Variants in PCGF6 observed in about 807,000 individuals in gnomAD.
PCGF6 encodes polycomb group RING finger protein 6.
Under a neutral mutation model 45.5 loss-of-function variants are expected in PCGF6, and 24 were observed. The observed-to-expected ratio is 0.53, with a 90% CI of 0.38 to 0.74. The LOEUF (loss-of-function observed/expected upper bound fraction) is 0.74, where lower values mean the gene tolerates loss of function less well. Ranked by LOEUF, PCGF6 falls within the 30% of genes least tolerant of loss-of-function variation. PCGF6 has a pLI of 0.00. For synonymous variants in PCGF6, 152 were observed against 162.1 expected, an observed-to-expected ratio of 0.94 and a Z score of 0.47; for missense variants, 356 against 443.2, an observed-to-expected ratio of 0.80 and a Z score of 1.77.
intron 7 of PCGF6, among the ~76,000 whole-genome samples, chr10:103,328,790 C>T (rs2093228598): frequency 6.6e-6 from 1 of 152,126 alleles, no homozygotes; most frequent in Non-Finnish European, 1.5e-5. Context: ...CTTGCTCTGT[C>T]ACCCAGGCTG....
At chr10:103,345,229 T>C (rs1233312498) in intron 5 of PCGF6, 97 bp from the exon 6 acceptor site, 1 of 862,050 alleles carries the variant, frequency 1.2e-6, no homozygotes, top group Non-Finnish European at 1.8e-6. Context: ...ATGTTGAGTA[T>C]TTAAAAGATC....
intron 9 of PCGF6, among the ~76,000 whole-genome samples, chr10:103,311,813 G>A (rs1373776491): frequency 7.9e-5 from 12 of 152,004 alleles, no homozygotes; most frequent in African/African-American, 2.7e-4. Context: ...TGTCAGCCAC[G>A]TGTGGTGGCT....
rs767300911 is a variant in PCGF6 at position 103,314,208 on chromosome 10, G to A, written c.974C>T (p.Ala325Val). 1 of 1,604,678 alleles carries A rather than the reference G, an allele frequency of 6.2e-7. No individual in the cohort carries two copies. The highest frequency in any genetic ancestry group is 8.5e-7 in the Non-Finnish European group (1 of 1,173,104). Reference sequence around the variant, plus strand: ...TACCTGCATTGCTGCATCACCTATTGCACGTCGGATTTCCCTTAGAGTTTG... The same window carrying A: ...TACCTGCATTGCTGCATCACCTATTACACGTCGGATTTCCCTTAGAGTTTG... ...QYQTLREIRR[A>V]IGDAAMQDGL... is the part of the protein sequence containing the mutation. Residue 325 changes from alanine (A) to valine (V), a missense_variant, in exon 9 of 10, where the codon GCA (alanine) becomes GTA (valine). By Grantham distance (64) the Ala-to-Val change is moderately conservative (BLOSUM62 0). Around this residue, in one of 2 missense-constraint regions of PCGF6, gnomAD observed 49 missense variants for 93.0 expected, o/e 0.53. Transcript: ENST00000369847.
intron 7 of PCGF6, among the ~76,000 whole-genome samples, chr10:103,329,233 T>C (rs2093230873): frequency 6.7e-6 from 1 of 149,694 alleles, no homozygotes; most frequent in African/African-American, 2.5e-5. Context: ...AGAGATGGGG[T>C]TTCATCATAT....
At chr10:103,340,840 C>T (rs567126348) in intron 6 of PCGF6, among the ~76,000 whole-genome samples, 6 of 152,250 alleles carry the variant, frequency 3.9e-5, no homozygotes, top group South Asian at 4.1e-4. Context: ...TGGACTCCAG[C>T]GGTTCTCCTA....
intron 7 of PCGF6, among the ~76,000 whole-genome samples, chr10:103,329,652 T>C (rs1325962171): frequency 6.6e-6 from 1 of 151,686 alleles, no homozygotes; most frequent in Non-Finnish European, 1.5e-5. Context: ...TTTGTTTTTT[T>C]AGTAGAGACA....
chr10:103,349,134 G>T, intron 1 of PCGF6, 135 bp from the exon 2 acceptor site: 1 of 694,730 alleles, frequency 1.4e-6, no homozygotes, highest in Non-Finnish European at 2.4e-6. Flanking sequence ...TGCAACCTCC[G>T]CCTCCTGGAT....
intron 7 of PCGF6, among the ~76,000 whole-genome samples, chr10:103,330,469 G>A (rs1190308889): frequency 6.6e-6 from 1 of 151,688 alleles, no homozygotes; most frequent in Non-Finnish European, 1.5e-5. Context: ...AGTTTCTATC[G>A]AATCTTGGCT....
At chr10:103,346,653 G>A (rs1238514957) in intron 5 of PCGF6, among the ~76,000 whole-genome samples, 1 of 152,114 alleles carries the variant, frequency 6.6e-6, no homozygotes, top group African/African-American at 2.4e-5. Context: ...AAATTAGCCA[G>A]GTGTGGTGGC....
chr10:103,340,198 AATATAT>A lies in PCGF6; in HGVS notation c.782+4820_782+4825del, dbSNP rs1191965991. Among the ~76,000 whole-genome samples, 327 of 87,818 alleles carry A rather than the reference AATATAT, an allele frequency of 3.7e-3. 6 individuals are homozygous for A. The highest frequency in any genetic ancestry group is 7.1e-3 in the South Asian group (19 of 2,670). The allele number at this position is 87,818 out of a possible 152,430, so 57.6% of individuals were successfully genotyped here. A position where few individuals can be genotyped will look rare whatever the true frequency, so the allele number is the denominator to read the frequency against. On this transcript the variant is annotated intron_variant, in intron 6 of 9. Transcript: ENST00000369847. Reference sequence around the variant, plus strand: ...TCTCAGGGAAAAAAAAAAAAAAAAAAATATATATATATATATATATATATTTTATAT... The same window carrying A: ...TCTCAGGGAAAAAAAAAAAAAAAAAAATATATATATATATATATTTTATAT...
intron 5 of PCGF6, among the ~76,000 whole-genome samples, chr10:103,346,664 G>A (rs2093300636): frequency 6.6e-6 from 1 of 152,054 alleles, no homozygotes; most frequent in African/African-American, 2.4e-5. Flanking sequence ...GTGTGGTGGC[G>A]TGTGCCTGTA....
chr10:103,345,204 A>T (rs2093294933), intron 5 of PCGF6, 72 bp from the exon 6 acceptor site: 2 of 1,044,494 alleles, frequency 1.9e-6, no homozygotes, highest in Admixed American at 4.2e-5. Context: ...GGAAAAATAC[A>T]CAAGTATTAT....
intron 6 of PCGF6, among the ~76,000 whole-genome samples, chr10:103,339,807 AAAAACACACACACAC>A (rs1445835948): frequency 9.5e-4 from 43 of 45,170 alleles, no homozygotes; most frequent in Middle Eastern, 8.5e-3. Context: ...GTCTCAAAAA[AAAAACACACACACAC>A]ACACACACAC....
intron 7 of PCGF6, among the ~76,000 whole-genome samples, chr10:103,328,280 T>C (rs1470741514): frequency 1.3e-5 from 2 of 152,214 alleles, no homozygotes; most frequent in Non-Finnish European, 1.5e-5. Context: ...ATTTGTTCCA[T>C]GTTACAGCAC....
At chr10:103,310,993 T>C (rs2093155315) in intron 9 of PCGF6, among the ~76,000 whole-genome samples, 1 of 152,048 alleles carries the variant, frequency 6.6e-6, no homozygotes, top group Non-Finnish European at 1.5e-5. Context: ...TGCACAACCA[T>C]GTCTGCTAAT....
intron 6 of PCGF6, among the ~76,000 whole-genome samples, 193 bp downstream of exon 6, chr10:103,344,831 A>T (rs2093293646): frequency 6.6e-6 from 1 of 152,046 alleles, no homozygotes. Context: ...CGGCCTCCCA[A>T]AGTGTTGGGA....
chr10:103,323,409 GC>G (rs930748058), intron 8 of PCGF6, among the ~76,000 whole-genome samples: 11 of 152,020 alleles, frequency 7.2e-5, no homozygotes, highest in Admixed American at 7.2e-4. Context: ...TGATTCTCCT[GC>G]CTCAGCCTCT....
intron 7 of PCGF6, among the ~76,000 whole-genome samples, chr10:103,330,222 T>C (rs2093235119): frequency 6.6e-6 from 1 of 151,972 alleles, no homozygotes; most frequent in African/African-American, 2.4e-5. Context: ...ATTACAGGCA[T>C]GCATCACCAT....
chr10:103,310,881 C>T (rs766080097), intron 9 of PCGF6, among the ~76,000 whole-genome samples: 2 of 151,918 alleles, frequency 1.3e-5, no homozygotes, highest in Non-Finnish European at 2.9e-5. Flanking sequence ...TTTTGTATTT[C>T]GTAGAGATGG....
Sources: allele counts gnomAD v4.1 joint callset (sites outside exome capture counted in the v4.1 genomes callset), GRCh38; gene constraint gnomAD v4.1.1; regional missense constraint gnomAD v4.1.1; transcripts MANE v1.5; gene names NCBI Gene and HGNC (gene_info 2026-07-23, HGNC 2026-07-21).